Variants in BRINP3 observed in about 807,000 individuals in gnomAD.
BRINP3 encodes BMP/retinoic acid inducible neural specific 3, also known as BMP/retinoic acid-inducible neural-specific protein 3.
In BRINP3, 19 loss-of-function variants were observed where a neutral mutation model predicts 71.0. That is an observed-to-expected ratio of 0.27 (90% CI 0.19 to 0.39). The LOEUF is 0.39. Ranked by LOEUF, BRINP3 falls within the 10% of genes least tolerant of loss-of-function variation. The probability of loss-of-function intolerance (pLI) is 1.00; values close to 1 mark genes in which losing one functional copy is unlikely to be tolerated. For synonymous variants in BRINP3, 380 were observed against 337.7 expected, an observed-to-expected ratio of 1.13 and a Z score of -1.37; for missense variants, 959 against 940.8, an observed-to-expected ratio of 1.02 and a Z score of -0.25.
intron 2 of BRINP3, among the ~76,000 whole-genome samples, chr1:190,394,741 T>C (rs902963248): frequency 6.6e-6 from 1 of 151,606 alleles, no homozygotes; most frequent in African/African-American, 2.4e-5. Flanking sequence ...CATTTCTATA[T>C]AAATTATAAT....
rs149941568 is a variant in BRINP3, at chr1:190,221,530, A to T, written c.961+4552T>A. Among the ~76,000 whole-genome samples the T allele has an allele frequency of 2.7e-4, 41 of 152,272 alleles. No homozygotes were observed. In the East Asian group the frequency reaches 7.3e-3, roughly 27 times the overall value. On this transcript the variant is annotated intron_variant, in intron 6 of 7. Coordinates refer to ENST00000367462, the MANE Select transcript of BRINP3 (RefSeq NM_199051.3). ...AGAAGAGACTAAAACGAACCAGAAAACAAGCCACAAAATGGCAGTAGTGTG... is the reference window on the plus strand; with the variant it reads ...AGAAGAGACTAAAACGAACCAGAAATCAAGCCACAAAATGGCAGTAGTGTG...
intron 2 of BRINP3, among the ~76,000 whole-genome samples, chr1:190,420,899 T>C (rs1311847867): frequency 3.3e-5 from 5 of 151,850 alleles, no homozygotes; most frequent in Non-Finnish European, 7.4e-5. Context: ...TCTAAAGGTT[T>C]CTATTTCAGT....
At chr1:190,164,726 G>T (rs1651331422) in intron 6 of BRINP3, among the ~76,000 whole-genome samples, 1 of 151,894 alleles carries the variant, frequency 6.6e-6, no homozygotes, top group Non-Finnish European at 1.5e-5. Context: ...CAGCAGGTAG[G>T]ATTACATGCC....
chr1:190,101,396 TC>T (rs1324407003), intron 7 of BRINP3, among the ~76,000 whole-genome samples: 1 of 152,166 alleles, frequency 6.6e-6, no homozygotes, highest in African/African-American at 2.4e-5. Context: ...GCAAAAAGCT[TC>T]CTATTGCTGG....
intron 7 of BRINP3, among the ~76,000 whole-genome samples, chr1:190,112,435 G>A (rs1652773954): frequency 6.6e-6 from 1 of 152,068 alleles, no homozygotes; most frequent in African/African-American, 2.4e-5. Context: ...ATATTTCTAT[G>A]CATTAGTATA....
At chr1:190,113,161 A>G (rs1652836922) in intron 7 of BRINP3, among the ~76,000 whole-genome samples, 1 of 152,272 alleles carries the variant, frequency 6.6e-6, no homozygotes, top group Non-Finnish European at 1.5e-5. Context: ...AGCAATAATC[A>G]ATTGATTATT....
chr1:190,350,358 A>T (rs1668299934), intron 2 of BRINP3, among the ~76,000 whole-genome samples: 1 of 152,098 alleles, frequency 6.6e-6, no homozygotes, highest in African/African-American at 2.4e-5. Flanking sequence ...AAAGTTCCTA[A>T]AAAGTACAAA....
At chr1:190,255,029 CAT>C (rs1486973161) in intron 4 of BRINP3, among the ~76,000 whole-genome samples, 8 of 148,288 alleles carry the variant, frequency 5.4e-5, no homozygotes, top group African/African-American at 2.0e-4. Flanking sequence ...TTGAGATAAT[CAT>C]GTGGTTTTTT....
Position 190,308,469 on chromosome 1 carries a change from A to G in BRINP3, c.237-26719T>C, listed in dbSNP as rs528001722. Among the ~76,000 whole-genome samples, 846 of 151,736 alleles carry G rather than the reference A, an allele frequency of 5.6e-3. 5 individuals carry two copies. Among genetic ancestry groups the G allele is most frequent in the Middle Eastern group, 0.024 (7 of 294 alleles). On this transcript the variant is annotated intron_variant, in intron 2 of 7. Coordinates refer to ENST00000367462, the MANE Select transcript of BRINP3 (RefSeq NM_199051.3). ...AGAACACATGGACACAGGAAGGGGAACATCACACACTGGGGACTGTTGTAG... is the reference window on the plus strand; with the variant it reads ...AGAACACATGGACACAGGAAGGGGAGCATCACACACTGGGGACTGTTGTAG...
intron 6 of BRINP3, among the ~76,000 whole-genome samples, chr1:190,171,254 T>C (rs1162832509): frequency 6.6e-6 from 1 of 152,162 alleles, no homozygotes; most frequent in Non-Finnish European, 1.5e-5. Flanking sequence ...CTGTTTTTGA[T>C]TGTTTGGTTG....
chr1:190,181,079 C>A (rs1397418907), intron 6 of BRINP3, among the ~76,000 whole-genome samples: 2 of 152,054 alleles, frequency 1.3e-5, no homozygotes, highest in African/African-American at 4.8e-5. Context: ...TACCTAACCC[C>A]TGGCAAACAC....
chr1:190,400,223 G>C (rs142506536), intron 2 of BRINP3, among the ~76,000 whole-genome samples: 1 of 152,078 alleles, frequency 6.6e-6, no homozygotes, highest in Non-Finnish European at 1.5e-5. Context: ...TCATACATTG[G>C]ATATTCCCAT....
chr1:190,140,343 G>A (rs1297797432), intron 7 of BRINP3, among the ~76,000 whole-genome samples: 1 of 151,986 alleles, frequency 6.6e-6, no homozygotes, highest in Admixed American at 6.6e-5. Flanking sequence ...AGAAAGATAA[G>A]AAGATGCAAA....
chr1:190,280,757 T>A (rs1662972250), intron 3 of BRINP3, among the ~76,000 whole-genome samples: 1 of 151,974 alleles, frequency 6.6e-6, no homozygotes, highest in South Asian at 2.1e-4. Context: ...TTATACAGTG[T>A]TCTTCATTAT....
Position 190,471,241 on chromosome 1 carries a change from A to G in BRINP3, c.-51+6207T>C, listed in dbSNP as rs546407485. ...AAGAACTTGGCCAGGACTTCCAAGTATATCTTCAGTAGAAAGGTCATTAGT... is the reference window on the plus strand; with the variant it reads ...AAGAACTTGGCCAGGACTTCCAAGTGTATCTTCAGTAGAAAGGTCATTAGT... On this transcript the variant is annotated intron_variant, in intron 1 of 7. Coordinates refer to ENST00000367462, the MANE Select transcript of BRINP3 (RefSeq NM_199051.3). Among the ~76,000 whole-genome samples, 11 of 151,334 alleles carry G rather than the reference A, an allele frequency of 7.3e-5. No homozygotes were observed. In the South Asian group the frequency reaches 1.9e-3, roughly 26 times the overall value.
At chr1:190,253,957 A>G (rs1463774754) in intron 4 of BRINP3, among the ~76,000 whole-genome samples, 11 of 152,270 alleles carry the variant, frequency 7.2e-5, no homozygotes, top group African/African-American at 2.6e-4. Flanking sequence ...GGTGTAAGGA[A>G]GGGATCCAGT....
At chr1:190,181,777 G>GT (rs1237038880) in intron 6 of BRINP3, among the ~76,000 whole-genome samples, 9 of 151,868 alleles carry the variant, frequency 5.9e-5, no homozygotes. Flanking sequence ...GCCACCAAAC[G>GT]TAATTTAGAA....
intron 2 of BRINP3, among the ~76,000 whole-genome samples, chr1:190,357,813 T>A (rs962979944): frequency 6.6e-6 from 1 of 151,938 alleles, no homozygotes; most frequent in Non-Finnish European, 1.5e-5. Flanking sequence ...AAAACAGAGA[T>A]GTAGACCAAT....
At chr1:190,173,088 A>G (rs1652169303) in intron 6 of BRINP3, among the ~76,000 whole-genome samples, 1 of 152,124 alleles carries the variant, frequency 6.6e-6, no homozygotes, top group African/African-American at 2.4e-5. Flanking sequence ...CCTTGTTTCT[A>G]TCATACTTTT....
Sources: gnomAD v4.1 joint callset for allele counts (sites outside exome capture counted in the v4.1 genomes callset) on GRCh38, gnomAD v4.1.1 for gene constraint, MANE v1.5 for transcripts, NCBI Gene and HGNC (gene_info 2026-07-23, HGNC 2026-07-21) for gene names.